Variants in MIER3 observed in about 807,000 individuals in gnomAD.
MIER3 encodes the protein mesoderm induction early response protein 3.
MIER3 carries 9 observed loss-of-function variants against 63.2 expected under a neutral mutation model. The observed-to-expected ratio is 0.14, with a 90% CI of 0.09 to 0.25. MIER3 has a LOEUF of 0.25. Among genes scored for constraint, MIER3 ranks in the 10% least tolerant of loss-of-function variants. The probability of loss-of-function intolerance (pLI) is 1.00; values close to 1 mark genes in which losing one functional copy is unlikely to be tolerated. For synonymous variants in MIER3, 205 were observed against 224.9 expected (o/e 0.91, Z 0.79); for missense variants, 512 against 666.2 (o/e 0.77, Z 2.55).
Position 56,922,850 on chromosome 5 carries a change from A to AAG in MIER3, c.*276_*277dup. On this transcript the variant is annotated 3_prime_UTR_variant, in exon 13 of 13. Coordinates refer to ENST00000381199, the MANE Select transcript of MIER3 (RefSeq NM_001297599.2). ...AGAATAGAAAAAGAAGGGAGTGGGGAAGAGGTATTGGGAGATGAGGAAGAG... is the reference window on the plus strand; with the variant it reads ...AGAATAGAAAAAGAAGGGAGTGGGGAAGAGAGGTATTGGGAGATGAGGAAGAG... 1 of 380,540 alleles carries AAG rather than the reference A, an allele frequency of 2.6e-6. No homozygotes were observed. 23.6% of individuals were successfully genotyped at this position (380,540 alleles called of 1,614,324 possible). A position where few individuals can be genotyped will look rare whatever the true frequency, so the allele number is the denominator to read the frequency against.
In MIER3 at chr5:56,926,938, C is replaced by A. The variant is rs138962802; in HGVS notation, c.924+1829G>T. Among the ~76,000 whole-genome samples, 1,121 of 151,864 alleles carry A rather than the reference C, an allele frequency of 7.4e-3. 17 individuals carry two copies. The highest frequency in any genetic ancestry group is 0.026 in the African/African-American group (1,084 of 41,476). On this transcript the variant is annotated intron_variant, in intron 10 of 12. Coordinates refer to ENST00000381199, the MANE Select transcript of MIER3 (RefSeq NM_001297599.2). ...AAAACAAACACAAACAAACAAAAAA[C>A]CCCATGGTGAAAACTTAAATGCATA... is the stretch of plus-strand genomic sequence containing the variant.
At chr5:56,936,972 T>G (rs1185230499) in intron 5 of MIER3, 1 of 152,166 alleles carries the variant, frequency 6.6e-6, no homozygotes, top group African/African-American at 2.4e-5. Context: ...TCTATAAAAT[T>G]TTGTGGTCAA....
intron 10 of MIER3, among the ~76,000 whole-genome samples, chr5:56,925,739 T>C (rs901306995): frequency 1.3e-5 from 2 of 152,102 alleles, no homozygotes; most frequent in Admixed American, 1.3e-4. Context: ...ATTTTGTGGG[T>C]ATCAACAAAC....
intron 9 of MIER3, 39 bp downstream of exon 9, chr5:56,930,624 TC>T: frequency 6.5e-7 from 1 of 1,533,060 alleles, no homozygotes; most frequent in East Asian, 2.3e-5. Context: ...CAAATGACCA[TC>T]CCTGTCATGT....
intron 10 of MIER3, among the ~76,000 whole-genome samples, chr5:56,927,633 T>C (rs1228699588): frequency 2.0e-5 from 3 of 152,192 alleles, no homozygotes; most frequent in Admixed American, 1.3e-4. Flanking sequence ...AGAGAGTTCC[T>C]ATATATCCTG....
At chr5:56,941,514 G>C (rs1382380743) in intron 3 of MIER3, 1 of 151,018 alleles carries the variant, frequency 6.6e-6, no homozygotes, top group Non-Finnish European at 1.5e-5. Flanking sequence ...AGTATTCCAG[G>C]CAAAAAAAAA....
intron 2 of MIER3, among the ~76,000 whole-genome samples, chr5:56,948,760 G>T (rs2112154398): frequency 6.6e-6 from 1 of 152,230 alleles, no homozygotes; most frequent in South Asian, 2.1e-4. Context: ...AGGAATTCTT[G>T]GCAAGTTCCA....
Position 56,921,610 on chromosome 5 carries a change from G to A in MIER3, c.*1518C>T, listed in dbSNP as rs969607469. On this transcript the variant is annotated 3_prime_UTR_variant, in exon 13 of 13. Coordinates refer to ENST00000381199, the MANE Select transcript of MIER3 (RefSeq NM_001297599.2). Reference sequence around the variant, plus strand: ...AGGATGTCATTGCAGTTCACAGTTTGTATAATAAATACCCTCCCTTTCAAT... The same window carrying A: ...AGGATGTCATTGCAGTTCACAGTTTATATAATAAATACCCTCCCTTTCAAT... 1 of 152,584 alleles carries A rather than the reference G, an allele frequency of 6.6e-6. No individual in the cohort carries two copies. Among genetic ancestry groups the A allele is most frequent in the Admixed American group, 6.5e-5 (1 of 15,280 alleles). The allele number at this position is 152,584 out of a possible 1,614,324, so 9.5% of individuals were successfully genotyped here. A position where few individuals can be genotyped will look rare whatever the true frequency, so the allele number is the denominator to read the frequency against.
At chr5:56,927,397 G>A (rs918370642) in intron 10 of MIER3, among the ~76,000 whole-genome samples, 1 of 152,070 alleles carries the variant, frequency 6.6e-6, no homozygotes. Context: ...ACCTGAAACT[G>A]CTCTAAAAAC....
rs983401344 is a variant in MIER3 at position 56,935,679 on chromosome 5, T to G, written c.509A>C (p.Glu170Ala). ...AACTCAGCTTACCTTCCTCAAATCT[T>G]CAGGTGAATTACCACTGTCTGTTTC... ...DVETDSGNSPEDLRKEIMIGL... is the reference protein window; with the variant it reads ...DVETDSGNSPADLRKEIMIGL... Residue 170 changes from glutamate to alanine, a missense_variant, in exon 6 of 13, where the codon GAA becomes GCA. By Grantham distance (107) the Glu-to-Ala change is moderately radical. Coordinates refer to ENST00000381199, the MANE Select transcript of MIER3 (RefSeq NM_001297599.2). 1.9e-6 allele frequency: 3 copies of G among 1,613,866 alleles called. No individual in the cohort carries two copies. The highest frequency in any genetic ancestry group is 2.7e-5 in the African/African-American group (2 of 75,056).
chr5:56,935,794 G>T (rs752003253), intron 5 of MIER3, 43 bp from the exon 6 acceptor site: 3 of 1,465,880 alleles, frequency 2.0e-6, no homozygotes, highest in South Asian at 2.3e-5. Context: ...GCCTATTTTT[G>T]CAGAACCTGG....
chr5:56,935,732 A>G lies in MIER3; in HGVS notation c.456T>C (p.Gly152=). The change falls in exon 6 of 13, where the codon GGT becomes GGC. Residue 152 remains glycine (G), a synonymous_variant. Coordinates refer to ENST00000381199, the MANE Select transcript of MIER3 (RefSeq NM_001297599.2). Reference sequence around the variant, plus strand: ...CATCTTCAACCTCTGATTCCTTATCACCATCACATGCAGTATTTGCTTAAA... The same window carrying G: ...CATCTTCAACCTCTGATTCCTTATCGCCATCACATGCAGTATTTGCTTAAA... The part of the protein sequence containing the change: ...RPLRSNTACD[G]DKESEVEDVE... 6.2e-7 allele frequency: 1 copy of G among 1,613,968 alleles called. No homozygotes were observed. Among genetic ancestry groups the G allele is most frequent in the Non-Finnish European group, 8.5e-7 (1 of 1,179,926 alleles).
chr5:56,924,080 T>G, intron 10 of MIER3, 38 bp from the exon 11 acceptor site: 1 of 1,585,772 alleles, frequency 6.3e-7, no homozygotes, highest in Non-Finnish European at 8.6e-7. Context: ...ACCAACAAAC[T>G]CAACCATTTT....
chr5:56,950,679 G>T, intron 1 of MIER3, 27 bp from the exon 2 acceptor site: 1 of 1,612,542 alleles, frequency 6.2e-7, no homozygotes, highest in East Asian at 2.2e-5. Context: ...AAAACGTGAG[G>T]TTAGATCGCA....
chr5:56,933,266 T>C lies in MIER3; in HGVS notation c.728A>G (p.His243Arg). 1 of 1,611,596 alleles carries C rather than the reference T, an allele frequency of 6.2e-7. No homozygotes were observed. The highest frequency in any genetic ancestry group is 8.5e-7 in the Non-Finnish European group (1 of 1,178,928). Residue 243 changes from histidine to arginine, a missense_variant, in exon 8 of 13, where the codon CAC (histidine) becomes CGC (arginine). His to Arg is a conservative substitution (Grantham distance 29). Around this residue, in one of 5 missense-constraint regions of MIER3, gnomAD observed 118 missense variants for 133.6 expected, o/e 0.88. Transcript: ENST00000381199. Reference sequence around the variant, plus strand: ...GTATACCTGTTCATTGTCCCTTGTGTGTGTTCCTGCAGAAATCCTATCCAT... The same window carrying C: ...GTATACCTGTTCATTGTCCCTTGTGCGTGTTCCTGCAGAAATCCTATCCAT... ...KIMDRISAGT[H>R]TRDNEQALYE... is the part of the protein sequence containing the mutation.
intron 6 of MIER3, 54 bp from the exon 7 acceptor site, chr5:56,935,554 AAAG>A: frequency 6.7e-7 from 1 of 1,495,840 alleles, no homozygotes; most frequent in African/African-American, 1.4e-5. Flanking sequence ...ATACTGAAAA[AAAG>A]CCCCATATCA....
At chr5:56,925,469 C>T (rs1426747902) in intron 10 of MIER3, 11 of 293,398 alleles carry the variant, frequency 3.7e-5, no homozygotes, top group Non-Finnish European at 4.7e-5. Context: ...ACAGCAATGA[C>T]GATTGAAATT....
At chr5:56,941,116 C>T (rs889850601) in intron 3 of MIER3, 33 of 985,304 alleles carry the variant, frequency 3.3e-5, no homozygotes, top group Non-Finnish European at 3.9e-5. Flanking sequence ...AATCCCTGCT[C>T]ACAAGGAATT....
upstream of MIER3, chr5:56,952,197 G>C: frequency 1.9e-6 from 2 of 1,050,112 alleles, no homozygotes; most frequent in South Asian, 4.4e-5. Flanking sequence ...GCCGCGGTCC[G>C]CCCGGCACCC....
Sources: allele counts gnomAD v4.1 joint callset (sites outside exome capture counted in the v4.1 genomes callset), GRCh38; gene constraint gnomAD v4.1.1; regional missense constraint gnomAD v4.1.1; transcripts MANE v1.5; gene names NCBI Gene and HGNC (gene_info 2026-07-23, HGNC 2026-07-21).